PCDHA10: variants seen among roughly 807,000 people sequenced by gnomAD.
PCDHA10 encodes the protein protocadherin alpha 10, also known as protocadherin alpha-10.
A neutral mutation model predicts 61.2 loss-of-function variants in PCDHA10; 45 were observed. The ratio of observed to expected loss-of-function variants is 0.74; its 90% CI spans 0.58 to 0.94. The LOEUF (loss-of-function observed/expected upper bound fraction) is 0.94, where lower values mean the gene tolerates loss of function less well. PCDHA10 is among the 40% of genes least tolerant of loss of function. The pLI is 0.00. For synonymous variants in PCDHA10, 602 were observed against 548.8 expected (o/e 1.10, Z -1.35); for missense variants, 1,278 against 1,236.2 (o/e 1.03, Z -0.51).
intron 1 of PCDHA10, chr5:140,860,694 G>T (rs1263105739): frequency 2.6e-5 from 4 of 152,196 alleles, no homozygotes; most frequent in African/African-American, 7.2e-5. Context: ...TGAGCGACAG[G>T]ATATTGTTGT....
intron 1 of PCDHA10, among the ~76,000 whole-genome samples, chr5:140,943,257 CA>C (rs1238620023): frequency 1.6e-3 from 121 of 77,534 alleles, no homozygotes; most frequent in Middle Eastern, 7.2e-3. Flanking sequence ...GACTCTGTCT[CA>C]AAAAAAAAAA....
At chr5:141,007,991 A>G (rs1276879326) in intron 3 of PCDHA10, among the ~76,000 whole-genome samples, 1 of 152,234 alleles carries the variant, frequency 6.6e-6, no homozygotes, top group Non-Finnish European at 1.5e-5. Context: ...TATGAAATGT[A>G]CATGTTAATA....
intron 1 of PCDHA10, among the ~76,000 whole-genome samples, chr5:140,902,711 C>T (rs2153477998): frequency 6.6e-6 from 1 of 151,990 alleles, no homozygotes; most frequent in Middle Eastern, 3.4e-3. Context: ...TCTTTCACTC[C>T]CCTCCCACCC....
At position 140,858,352 on chromosome 5, in the gene PCDHA10, G is replaced by T; in HGVS notation, c.2304G>T (p.Met768Ile). The change falls in exon 1 of 4, where the codon ATG (methionine) becomes ATT (isoleucine). Residue 768 changes from methionine (M) to isoleucine (I), a missense_variant. By Grantham distance (10) the Met-to-Ile change is conservative. Coordinates refer to ENST00000307360, the MANE Select transcript of PCDHA10 (RefSeq NM_018901.4). ...SGEGLPKADL[M>I]AFSPSLPPCP... ...AGGGCCTGCCCAAGGCGGACCTCATGGCCTTCAGCCCCAGCCTTCCACCAT... is the reference window on the plus strand; with the variant it reads ...AGGGCCTGCCCAAGGCGGACCTCATTGCCTTCAGCCCCAGCCTTCCACCAT... 1.3e-6 allele frequency: 2 copies of T among 1,593,948 alleles called. 1 individual carries two copies. Among genetic ancestry groups the T allele is most frequent in the Non-Finnish European group, 1.7e-6 (2 of 1,165,108 alleles).
At chr5:140,872,769 T>C (rs1463790803) in intron 1 of PCDHA10, among the ~76,000 whole-genome samples, 2 of 152,184 alleles carry the variant, frequency 1.3e-5, no homozygotes, top group African/African-American at 2.4e-5. Flanking sequence ...TAGGGCTATA[T>C]TATCTATAAT....
At chr5:140,876,056 T>G in intron 1 of PCDHA10, 1 of 1,613,918 alleles carries the variant, frequency 6.2e-7, no homozygotes, top group Non-Finnish European at 8.5e-7. Flanking sequence ...CCTGAATTAG[T>G]TCTTCGGAAG....
chr5:140,975,983 T>A (rs975014640), intron 1 of PCDHA10, among the ~76,000 whole-genome samples: 31 of 152,290 alleles, frequency 2.0e-4, no homozygotes, highest in Admixed American at 2.0e-3. Flanking sequence ...AGCATAGTCC[T>A]GGGAGGTACC....
intron 1 of PCDHA10, among the ~76,000 whole-genome samples, chr5:140,913,656 T>A (rs2076420236): frequency 6.6e-6 from 1 of 152,152 alleles, no homozygotes; most frequent in African/African-American, 2.4e-5. Context: ...TTCTTTAAGA[T>A]GTATAGTTAG....
intron 1 of PCDHA10, chr5:140,875,761 G>T (rs373515339): frequency 8.7e-6 from 14 of 1,614,236 alleles, no homozygotes; most frequent in Non-Finnish European, 1.1e-5. Context: ...GAAGCTGTGC[G>T]GGCGGAGCGC....
At chr5:140,973,342 A>ATAGTAATT (rs1437052159) in intron 1 of PCDHA10, among the ~76,000 whole-genome samples, 4 of 152,344 alleles carry the variant, frequency 2.6e-5, no homozygotes, top group Admixed American at 2.6e-4. Context: ...GTAAAGTGAC[A>ATAGTAATT]TAGTAGTGAA....
chr5:140,966,937 C>T (rs2096072123), intron 1 of PCDHA10: 6 of 1,604,032 alleles, frequency 3.7e-6, no homozygotes, highest in Non-Finnish European at 5.1e-6. Flanking sequence ...CCGGCGCGCT[C>T]GTGGGCAACG....
At chr5:141,004,602 G>A (rs1345777080) in intron 3 of PCDHA10, among the ~76,000 whole-genome samples, 18 of 152,298 alleles carry the variant, frequency 1.2e-4, no homozygotes, top group African/African-American at 4.1e-4. Flanking sequence ...CAGTGCTTAG[G>A]CCTCATGCAG....
rs1205449386 is a variant in PCDHA10 at position 140,856,525 on chromosome 5, G to A, written c.477G>A (p.Ala159=). The A allele has an allele frequency of 2.5e-6, 4 of 1,598,294 alleles. 1 individual carries two copies. The highest frequency in any genetic ancestry group is 8.6e-7 in the Non-Finnish European group (1 of 1,167,878). Residue 159 remains alanine (A), a synonymous_variant, in exon 1 of 4, where the codon GCG becomes GCA. Transcript: ENST00000307360. The part of the protein sequence containing the change: ...SRFPLEGASD[A]DVGENALLTY... ...TTCCACTAGAAGGCGCATCTGATGC[G>A]GATGTTGGAGAGAACGCATTGCTTA... is the stretch of plus-strand genomic sequence containing the variant.
intron 1 of PCDHA10, among the ~76,000 whole-genome samples, chr5:140,975,386 G>A (rs2096665314): frequency 6.6e-6 from 1 of 152,252 alleles, no homozygotes; most frequent in Admixed American, 6.5e-5. Flanking sequence ...ATGGGAATAA[G>A]ATCCATCACA....
At chr5:140,917,552 C>T (rs200211133) in intron 1 of PCDHA10, among the ~76,000 whole-genome samples, 1 of 152,192 alleles carries the variant, frequency 6.6e-6, no homozygotes, top group Non-Finnish European at 1.5e-5. Flanking sequence ...TTACATTTAA[C>T]TCTTTAATCC....
intron 1 of PCDHA10, chr5:140,865,253 G>T (rs782676084): frequency 6.6e-6 from 1 of 152,152 alleles, no homozygotes; most frequent in Non-Finnish European, 1.5e-5. Context: ...TAGCTGTAAG[G>T]ATGTGTATCA....
intron 1 of PCDHA10, chr5:140,930,101 G>A (rs782338185): frequency 9.2e-5 from 14 of 152,094 alleles, no homozygotes; most frequent in Non-Finnish European, 1.6e-4. Context: ...TATACTGATA[G>A]GAGATCATAT....
At chr5:140,964,677 A>G (rs578237071) in intron 1 of PCDHA10, among the ~76,000 whole-genome samples, 11 of 152,090 alleles carry the variant, frequency 7.2e-5, no homozygotes, top group Non-Finnish European at 1.0e-4. Flanking sequence ...CAGGTCCACA[A>G]TTTGTGCACT....
Position 140,857,530 on chromosome 5 carries a change from G to T in PCDHA10, c.1482G>T (p.Val494=), listed in dbSNP as rs1554150174. 4 of 1,597,696 alleles carry T rather than the reference G, an allele frequency of 2.5e-6. No homozygotes were observed. The highest frequency in any genetic ancestry group is 3.4e-6 in the Non-Finnish European group (4 of 1,167,776). ...ACGCCCTGGTGTCCTACTCTCTGGT[G>T]GAGCGGCGGTTGGGCGAGCGCTCGC... ...QENALVSYSL[V]ERRLGERSLS... Residue 494 remains valine, a synonymous_variant, in exon 1 of 4, where the codon GTG becomes GTT. Coordinates refer to ENST00000307360, the MANE Select transcript of PCDHA10 (RefSeq NM_018901.4).
Sources: allele counts gnomAD v4.1 joint callset (sites outside exome capture counted in the v4.1 genomes callset), GRCh38; gene constraint gnomAD v4.1.1; transcripts MANE v1.5; gene names NCBI Gene and HGNC (gene_info 2026-07-23, HGNC 2026-07-21).